UNC13C: variants seen among roughly 807,000 people sequenced by gnomAD.
UNC13C encodes protein unc-13 homolog C.
A neutral mutation model predicts 245.4 loss-of-function variants in UNC13C; 174 were observed. That is an observed-to-expected ratio of 0.71 (90% confidence interval 0.63 to 0.80). The LOEUF is 0.80. Among genes scored for constraint, UNC13C ranks in the 30% least tolerant of loss-of-function variants. UNC13C has a pLI of 0.00. For synonymous variants in UNC13C, 992 were observed against 895.1 expected (o/e 1.11, Z -1.93); for missense variants, 2,829 against 2,602.9 (o/e 1.09, Z -1.89).
chr15:54,358,758 A>T (rs1409579539), intron 17 of UNC13C, among the ~76,000 whole-genome samples: 1 of 152,034 alleles, frequency 6.6e-6, no homozygotes, highest in Non-Finnish European at 1.5e-5. Context: ...GCTGTCCTCA[A>T]ACAGGGATAA....
intron 2 of UNC13C, among the ~76,000 whole-genome samples, chr15:54,117,624 C>T (rs137869873): frequency 4.0e-4 from 61 of 151,530 alleles, no homozygotes; most frequent in Non-Finnish European, 6.5e-4. Context: ...CTCTGTTGCC[C>T]AAGCTGGAGT....
At chr15:54,300,418 T>C (rs889152063) in intron 13 of UNC13C, 45 bp downstream of exon 13, 2 of 1,492,984 alleles carry the variant, frequency 1.3e-6, no homozygotes, top group Non-Finnish European at 1.8e-6. Flanking sequence ...TCTATTAAAA[T>C]ATAAAGAAAG....
chr15:54,378,344 C>T (rs1261303412), intron 17 of UNC13C, among the ~76,000 whole-genome samples: 1 of 152,056 alleles, frequency 6.6e-6, no homozygotes, highest in African/African-American at 2.4e-5. Flanking sequence ...AAAATAAATG[C>T]TAGCCAGATA....
At chr15:54,575,604 C>T (rs77352438) in intron 30 of UNC13C, among the ~76,000 whole-genome samples, 5,420 of 151,692 alleles carry the variant, frequency 0.036, 182 homozygotes, top group East Asian at 0.13. Context: ...CAAGGGCCAC[C>T]GCTGAAATTT....
At chr15:54,080,468 T>G (rs577093938) in intron 2 of UNC13C, among the ~76,000 whole-genome samples, 5 of 152,004 alleles carry the variant, frequency 3.3e-5, no homozygotes, top group African/African-American at 1.2e-4. Flanking sequence ...TTTTAGTTGG[T>G]AGATTTTTTA....
intron 18 of UNC13C, among the ~76,000 whole-genome samples, chr15:54,395,398 G>A (rs1397946309): frequency 1.3e-5 from 2 of 151,760 alleles, no homozygotes; most frequent in Non-Finnish European, 2.9e-5. Flanking sequence ...GACCACTAGG[G>A]TAAGGATCAC....
chr15:54,107,893 CAT>C (rs1257723725), intron 2 of UNC13C, among the ~76,000 whole-genome samples: 6 of 152,152 alleles, frequency 3.9e-5, no homozygotes, highest in Non-Finnish European at 7.3e-5. Context: ...CATTAAAACA[CAT>C]GAGTTGAGTC....
At chr15:54,492,699 C>T (rs1347078023) in intron 19 of UNC13C, among the ~76,000 whole-genome samples, 1 of 152,156 alleles carries the variant, frequency 6.6e-6, no homozygotes, top group Non-Finnish European at 1.5e-5. Context: ...TGCATTTCTG[C>T]TATCCAAAGG....
chr15:54,200,643 C>G (rs1312772827), intron 4 of UNC13C, among the ~76,000 whole-genome samples: 3 of 151,880 alleles, frequency 2.0e-5, no homozygotes, highest in African/African-American at 4.8e-5. Flanking sequence ...GTGACACAAC[C>G]TATCAAAACC....
At chr15:54,285,090 C>T (rs1013859753) in intron 10 of UNC13C, among the ~76,000 whole-genome samples, 1 of 152,094 alleles carries the variant, frequency 6.6e-6, no homozygotes, top group African/African-American at 2.4e-5. Flanking sequence ...CCTTAAAAGC[C>T]AGTGCATGAA....
chr15:53,898,327 A>G, the UNC13C span, among the ~76,000 whole-genome samples: 28 of 152,314 alleles, frequency 1.8e-4, no homozygotes, highest in African/African-American at 6.5e-4. Context: ...TGAAATGATC[A>G]GGGTAAGATG....
chr15:54,106,714 T>A (rs1900465482), intron 2 of UNC13C, among the ~76,000 whole-genome samples: 1 of 152,208 alleles, frequency 6.6e-6, no homozygotes, highest in African/African-American at 2.4e-5. Context: ...TCATCTGAAA[T>A]AAACATTTAA....
At chr15:54,522,147 A>G (rs1566886076) in intron 24 of UNC13C, among the ~76,000 whole-genome samples, 1 of 152,078 alleles carries the variant, frequency 6.6e-6, no homozygotes, top group African/African-American at 2.4e-5. Flanking sequence ...CTTAAGGAAA[A>G]TAACTTAAGA....
chr15:54,070,665 T>A (rs1898280296), intron 2 of UNC13C, among the ~76,000 whole-genome samples: 1 of 152,196 alleles, frequency 6.6e-6, no homozygotes. Flanking sequence ...TGCATGTTCA[T>A]GTGACAAAAG....
chr15:54,306,178 T>C (rs1005334914), intron 13 of UNC13C, among the ~76,000 whole-genome samples: 2 of 151,974 alleles, frequency 1.3e-5, no homozygotes, highest in African/African-American at 4.8e-5. Context: ...AAAGCATTCC[T>C]CTTTCCACAG....
intron 8 of UNC13C, among the ~76,000 whole-genome samples, chr15:54,251,481 T>G (rs2036151671): frequency 6.6e-6 from 1 of 152,216 alleles, no homozygotes; most frequent in African/African-American, 2.4e-5. Context: ...TTCACACTCT[T>G]GAATGAGTAC....
At chr15:54,396,671 T>G (rs531885304) in intron 18 of UNC13C, among the ~76,000 whole-genome samples, 10 of 151,670 alleles carry the variant, frequency 6.6e-5, no homozygotes, top group African/African-American at 2.4e-4. Context: ...CCAAAGTGGC[T>G]GTACCATGCC....
rs1274905736 is a variant in UNC13C at position 54,500,973 on chromosome 15, G to T, written c.5296G>T (p.Ala1766Ser). 1 of 1,611,898 alleles carries T rather than the reference G, an allele frequency of 6.2e-7. No homozygotes were observed. Among genetic ancestry groups the T allele is most frequent in the Non-Finnish European group, 8.5e-7 (1 of 1,178,774 alleles). ...EALSHLMRRF[A>S]KTINKVLLQY... ...ATTATCTCACTTAATGAGAAGATTT[G>T]CAAAGGTAGGTTAAATAAAATGAGT... The change falls in exon 22 of 33, where the codon GCA becomes TCA. Residue 1766 changes from alanine (A) to serine (S), a missense_variant. Ala to Ser is a moderately conservative substitution (Grantham distance 99, BLOSUM62 1). Coordinates refer to ENST00000260323, the MANE Select transcript of UNC13C (RefSeq NM_001080534.3).
At chr15:54,448,017 T>G (rs1890928414) in intron 19 of UNC13C, among the ~76,000 whole-genome samples, 1 of 152,208 alleles carries the variant, frequency 6.6e-6, no homozygotes, top group African/African-American at 2.4e-5. Flanking sequence ...ATTTCTGCCT[T>G]CATTTCGTTA....
Sources: gnomAD v4.1 joint callset for allele counts (sites outside exome capture counted in the v4.1 genomes callset) on GRCh38, gnomAD v4.1.1 for gene constraint, MANE v1.5 for transcripts, NCBI Gene and HGNC (gene_info 2026-07-23, HGNC 2026-07-21) for gene names.